GALNTL6: variants seen among roughly 807,000 people sequenced by gnomAD.
The protein encoded by GALNTL6 is polypeptide N-acetylgalactosaminyltransferase-like 6.
GALNTL6 carries 46 observed loss-of-function variants against 73.7 expected under a neutral mutation model. The ratio of observed to expected loss-of-function variants is 0.62; its 90% CI spans 0.49 to 0.80. The LOEUF (loss-of-function observed/expected upper bound fraction) is 0.80. Ranked by LOEUF, GALNTL6 falls within the 30% of genes least tolerant of loss-of-function variation. The probability of loss-of-function intolerance (pLI) is 0.00; values close to 1 mark genes in which losing one functional copy is unlikely to be tolerated. For synonymous variants in GALNTL6, 259 were observed against 263.7 expected (o/e 0.98, Z 0.17); for missense variants, 604 against 755.0 (o/e 0.80, Z 2.34).
intron 5 of GALNTL6, among the ~76,000 whole-genome samples, chr4:172,656,019 T>A (rs944355694): frequency 6.6e-6 from 1 of 152,212 alleles, no homozygotes; most frequent in African/African-American, 2.4e-5. Context: ...CACCATATAA[T>A]TAATGCTATT....
intron 5 of GALNTL6, among the ~76,000 whole-genome samples, chr4:172,587,641 C>T (rs1737464908): frequency 6.6e-6 from 1 of 152,176 alleles, no homozygotes; most frequent in African/African-American, 2.4e-5. Flanking sequence ...TATGATTCCC[C>T]TCTATACCTT....
intron 2 of GALNTL6, among the ~76,000 whole-genome samples, chr4:171,918,733 T>G (rs1487242693): frequency 6.6e-6 from 1 of 152,128 alleles, no homozygotes; most frequent in Non-Finnish European, 1.5e-5. Context: ...AGCCGAGATG[T>G]GGAAACAACC....
chr4:172,165,793 T>G (rs1420395610), intron 2 of GALNTL6, among the ~76,000 whole-genome samples: 1 of 152,120 alleles, frequency 6.6e-6, no homozygotes, highest in African/African-American at 2.4e-5. Flanking sequence ...TCAAGAAAAA[T>G]GTTGCCAACA....
At chr4:172,022,594 T>C (rs1741439982) in intron 2 of GALNTL6, among the ~76,000 whole-genome samples, 1 of 151,960 alleles carries the variant, frequency 6.6e-6, no homozygotes, top group Admixed American at 6.6e-5. Context: ...TGCATTTTCC[T>C]AGCATTCATC....
At chr4:171,893,757 A>T (rs945244626) in intron 2 of GALNTL6, among the ~76,000 whole-genome samples, 1 of 152,182 alleles carries the variant, frequency 6.6e-6, no homozygotes, top group African/African-American at 2.4e-5. Context: ...TCTACTTACT[A>T]GTTCTCTGAT....
At chr4:172,924,965 G>A (rs1022015534) in intron 8 of GALNTL6, among the ~76,000 whole-genome samples, 4 of 152,000 alleles carry the variant, frequency 2.6e-5, no homozygotes, top group Non-Finnish European at 5.9e-5. Context: ...TCCACCTCCC[G>A]GGTTCACGCC....
At chr4:172,563,587 A>G (rs1736454861) in intron 5 of GALNTL6, among the ~76,000 whole-genome samples, 1 of 152,224 alleles carries the variant, frequency 6.6e-6, no homozygotes, top group South Asian at 2.1e-4. Flanking sequence ...AATGCATTTG[A>G]TACACCAGAA....
chr4:172,521,894 T>C lies in GALNTL6; in HGVS notation c.553+173205T>C, dbSNP rs987275542. Among the ~76,000 whole-genome samples, 13 of 152,322 alleles carry C rather than the reference T, an allele frequency of 8.5e-5. 1 individual carries two copies. Among genetic ancestry groups the C allele is most frequent in the Middle Eastern group, 6.8e-3 (2 of 294 alleles). On this transcript the variant is annotated intron_variant, in intron 5 of 12. Transcript: ENST00000506823. ...TTCCACTGAAATTCTTGCTATCTAA[T>C]CTTATTCATTAGAATTTTCTAGAAG...
At chr4:172,456,984 T>C (rs1732421284) in intron 5 of GALNTL6, among the ~76,000 whole-genome samples, 1 of 152,070 alleles carries the variant, frequency 6.6e-6, no homozygotes, top group South Asian at 2.1e-4. Flanking sequence ...GGGAAGCCCA[T>C]TAGACTAACA....
At chr4:172,988,979 C>T (rs935415728) in intron 10 of GALNTL6, among the ~76,000 whole-genome samples, 6 of 152,202 alleles carry the variant, frequency 3.9e-5, no homozygotes, top group African/African-American at 1.4e-4. Flanking sequence ...TCATGGAGAA[C>T]CTCTGCTAGG....
intron 2 of GALNTL6, among the ~76,000 whole-genome samples, chr4:172,176,067 C>T (rs1056755457): frequency 5.9e-5 from 9 of 151,954 alleles, no homozygotes; most frequent in Non-Finnish European, 4.4e-5. Context: ...AGGCTGGGCG[C>T]GGTGGCTCAC....
chr4:171,968,532 A>G (rs1303226904), intron 2 of GALNTL6, among the ~76,000 whole-genome samples: 1 of 152,180 alleles, frequency 6.6e-6, no homozygotes, highest in African/African-American at 2.4e-5. Context: ...CTAATCCAGC[A>G]TGATCTAGTT....
At chr4:171,823,736 A>G (rs966034003) in intron 2 of GALNTL6, among the ~76,000 whole-genome samples, 1 of 151,634 alleles carries the variant, frequency 6.6e-6, no homozygotes, top group African/African-American at 2.4e-5. Context: ...CCACCTTGTC[A>G]ATAAGTAAGC....
At chr4:172,872,330 T>C (rs1485169082) in intron 7 of GALNTL6, among the ~76,000 whole-genome samples, 1 of 152,220 alleles carries the variant, frequency 6.6e-6, no homozygotes. Context: ...AACAGCATCC[T>C]ATACTTCTGA....
At chr4:172,249,817 G>A (rs1737792671) in intron 3 of GALNTL6, among the ~76,000 whole-genome samples, 1 of 152,222 alleles carries the variant, frequency 6.6e-6, no homozygotes, top group African/African-American at 2.4e-5. Flanking sequence ...GATTTCATAG[G>A]ATGTATGGAA....
rs1553983572 is a variant in GALNTL6, at chr4:172,744,834, C to CGCGT, written c.554-64521_554-64518dup. On this transcript the variant is annotated intron_variant, in intron 5 of 12. Coordinates refer to ENST00000506823, the MANE Select transcript of GALNTL6 (RefSeq NM_001034845.3). The stretch of plus-strand genomic sequence containing the variant: ...CACAAAAGGATAGATTTTAAGAGTG[C>CGCGT]GCGTGCGTGTGTGTGTGTGTGTGTG... Among the ~76,000 whole-genome samples, 19 of 84,690 alleles carry CGCGT rather than the reference C, an allele frequency of 2.2e-4. No individual in the cohort carries two copies. The East Asian group carries it at 3.3e-3, about 15-fold the overall frequency. The allele number at this position is 84,690 out of a possible 152,430, so 55.6% of individuals were successfully genotyped here. A position where few individuals can be genotyped will look rare whatever the true frequency, so the allele number is the denominator to read the frequency against.
intron 3 of GALNTL6, among the ~76,000 whole-genome samples, chr4:172,259,198 C>T (rs988029168): frequency 6.6e-6 from 1 of 151,158 alleles, no homozygotes; most frequent in Non-Finnish European, 1.5e-5. Flanking sequence ...TTCCATAGTG[C>T]TTGTACTAGT....
rs186960077 is a variant in GALNTL6 at position 172,941,287 on chromosome 4, C to A, written c.1149+10019C>A. 9.2e-5 allele frequency among the ~76,000 whole-genome samples: 14 copies of A among 152,248 alleles called. No individual in the cohort carries two copies. In the East Asian group the frequency reaches 2.5e-3, roughly 27 times the overall value. ...GATTTTATGTTAGCTTTTGTTTATG[C>A]CTATTGGGATATTTTATAATGTAAA... On this transcript the variant is annotated intron_variant, in intron 9 of 12. Coordinates refer to ENST00000506823, the MANE Select transcript of GALNTL6 (RefSeq NM_001034845.3).
intron 5 of GALNTL6, among the ~76,000 whole-genome samples, chr4:172,673,242 C>T (rs555695400): frequency 6.6e-6 from 1 of 151,696 alleles, no homozygotes; most frequent in South Asian, 2.1e-4. Context: ...TTTCAAAGTA[C>T]TTCTTGTAGG....
Sources: allele counts gnomAD v4.1 joint callset (sites outside exome capture counted in the v4.1 genomes callset), GRCh38; gene constraint gnomAD v4.1.1; transcripts MANE v1.5; gene names NCBI Gene and HGNC (gene_info 2026-07-23, HGNC 2026-07-21).